The following ANGPT4 variants were observed in gnomAD, a reference collection of about 807,000 sequenced individuals.
ANGPT4 encodes the protein angiopoietin 4.
A neutral mutation model predicts 53.0 loss-of-function variants in ANGPT4; 50 were observed. That is an observed-to-expected ratio of 0.94 (90% CI 0.75 to 1.20). The LOEUF (loss-of-function observed/expected upper bound fraction) is 1.20. Ranked by LOEUF, ANGPT4 falls within the 50% of genes most tolerant of loss-of-function variation. The probability of loss-of-function intolerance (pLI) is 0.00; values close to 1 mark genes in which losing one functional copy is unlikely to be tolerated. For missense variants in ANGPT4, 648 were observed against 637.1 expected (o/e 1.02, Z -0.18); for synonymous variants, 251 against 259.7 (o/e 0.97, Z 0.32).
rs1168062575 is a variant in ANGPT4 at position 914,217 on chromosome 20, C to G, written c.309+1689G>C. ...CGCCTGCCCTCTGGGAGCTCACACA[C>G]CAAAAGAAATGTTTTTAAGAACATT... On this transcript the variant is annotated intron_variant, in intron 1 of 8. Coordinates refer to ENST00000381922, the MANE Select transcript of ANGPT4 (RefSeq NM_015985.4). This position sits in a 1 kb window ranked among gnomAD's most constrained non-coding sequence, Gnocchi z 5.0. Among the ~76,000 whole-genome samples, 1 of 151,890 alleles carries G rather than the reference C, an allele frequency of 6.6e-6. No homozygotes were observed. Among genetic ancestry groups the G allele is most frequent in the Non-Finnish European group, 1.5e-5 (1 of 67,988 alleles).
At position 915,912 on chromosome 20, in the gene ANGPT4, C is replaced by A; in HGVS notation, c.303G>T (p.Leu101=). ...EQALQNNTQW[L]KKLERAIKTI... is the part of the protein sequence containing the mutation. ...AACCTCCCATGCCCCGTACCTTCTT[C>A]AGCCACTGCGTGTTGTTCTGCAGTG... The change falls in exon 1 of 9, where the codon CTG becomes CTT. Residue 101 remains leucine, a synonymous_variant. Coordinates refer to ENST00000381922, the MANE Select transcript of ANGPT4 (RefSeq NM_015985.4). The A allele has an allele frequency of 6.4e-7, 1 of 1,568,286 alleles. No homozygotes were observed. The highest frequency in any genetic ancestry group is 2.3e-5 in the East Asian group (1 of 44,326).
At position 911,921 on chromosome 20, in the gene ANGPT4, A is replaced by G. The variant is rs572977629; in HGVS notation, c.309+3985T>C. On this transcript the variant is annotated intron_variant, in intron 1 of 8. Coordinates refer to ENST00000381922, the MANE Select transcript of ANGPT4 (RefSeq NM_015985.4). This position sits in a 1 kb window ranked among gnomAD's most constrained non-coding sequence, Gnocchi z 4.9. ...CAGAGATAGACAGGGAGATAGGCAG[A>G]GAGAGGGCTGCCATGGACCCCAGGC... Among the ~76,000 whole-genome samples, 5 of 152,240 alleles carry G rather than the reference A, an allele frequency of 3.3e-5. No homozygotes were observed. The highest frequency in any genetic ancestry group is 7.4e-5 in the Non-Finnish European group (5 of 68,012).
chr20:904,452 T>C (rs958145670), intron 1 of ANGPT4, among the ~76,000 whole-genome samples: 8 of 152,314 alleles, frequency 5.3e-5, no homozygotes, highest in African/African-American at 1.9e-4. Flanking sequence ...CTCCATTGTT[T>C]GCTCATCTAG....
intron 8 of ANGPT4, among the ~76,000 whole-genome samples, chr20:873,998 G>T (rs1671099773): frequency 6.6e-6 from 1 of 152,114 alleles, no homozygotes. Context: ...AGGGTATAGG[G>T]TGCCTCCCCC....
Position 871,160 on chromosome 20 carries a change from A to G in ANGPT4, c.*1800T>C, listed in dbSNP as rs1320945303. The G allele has an allele frequency of 1.3e-5, 2 of 152,280 alleles. No individual in the cohort carries two copies. The highest frequency in any genetic ancestry group is 2.4e-5 in the African/African-American group (1 of 41,468). The allele number at this position is 152,280 out of a possible 1,614,324, so 9.4% of individuals were successfully genotyped here. On this transcript the variant is annotated 3_prime_UTR_variant, in exon 9 of 9. Transcript: ENST00000381922. ...TCTCTGGGCAGCAATCTGCCCCTAA[A>G]GATTTCCCATCATGCCTGAAATGCC...
Position 900,265 on chromosome 20 carries a change from T to C in ANGPT4, c.310-9897A>G, listed in dbSNP as rs1371486588. On this transcript the variant is annotated intron_variant, in intron 1 of 8. Transcript: ENST00000381922. ...CCTGTAAATAACAGTGAATGGTTGC[T>C]TGTAGATACTCGACGTTTTTTCATG... is the stretch of plus-strand genomic sequence containing the variant. Among the ~76,000 whole-genome samples, 6 of 152,222 alleles carry C rather than the reference T, an allele frequency of 3.9e-5. No individual in the cohort carries two copies. The East Asian group carries it at 1.2e-3, about 29-fold the overall frequency.
chr20:881,838 G>C (rs1981421076), intron 4 of ANGPT4, among the ~76,000 whole-genome samples: 2 of 152,208 alleles, frequency 1.3e-5, no homozygotes, highest in Non-Finnish European at 2.9e-5. Context: ...GGCCTGGAGG[G>C]GATGAGACTC....
chr20:887,895 A>AAGGG (rs1981676246), intron 3 of ANGPT4, among the ~76,000 whole-genome samples: 1 of 151,612 alleles, frequency 6.6e-6, no homozygotes, highest in African/African-American at 2.4e-5. Flanking sequence ...AGGAGGAAGG[A>AAGGG]AGGAAGGAAG....
intron 2 of ANGPT4, among the ~76,000 whole-genome samples, chr20:889,003 C>T (rs1432964110): frequency 6.6e-6 from 1 of 152,232 alleles, no homozygotes; most frequent in African/African-American, 2.4e-5. Flanking sequence ...CTGGTCACTC[C>T]AGCATAGTGG....
At chr20:902,938 T>C (rs1982341510) in intron 1 of ANGPT4, among the ~76,000 whole-genome samples, 1 of 152,084 alleles carries the variant, frequency 6.6e-6, no homozygotes. Flanking sequence ...CAAATGGAGG[T>C]TCAGGCTCAG....
In ANGPT4 at chr20:914,526, C is replaced by T. The variant is rs531192; in HGVS notation, c.309+1380G>A. 0.097 allele frequency among the ~76,000 whole-genome samples: 14,744 copies of T among 151,970 alleles called. 801 individuals are homozygous for T. Among genetic ancestry groups the T allele is most frequent in the East Asian group, 0.17 (862 of 5,164 alleles). ...ATTCTTTGGTCTGCTGCATGGAGAA[C>T]AGGAGGTGGGGGCCGAGTGTTAGCA... On this transcript the variant is annotated intron_variant, in intron 1 of 8. Coordinates refer to ENST00000381922, the MANE Select transcript of ANGPT4 (RefSeq NM_015985.4). The surrounding 1 kb of genome is among the most constrained non-coding windows in gnomAD (Gnocchi z 5.0).
At chr20:875,289 A>G (rs1981121243) in intron 7 of ANGPT4, among the ~76,000 whole-genome samples, 1 of 152,068 alleles carries the variant, frequency 6.6e-6, no homozygotes, top group African/African-American at 2.4e-5. Context: ...CCCCAGCCCC[A>G]TCGCACCTCC....
At position 885,233 on chromosome 20, in the gene ANGPT4, A is replaced by G. The variant is rs759237922; in HGVS notation, c.680T>C (p.Leu227Pro). ...LSKKAKLLNT[L>P]SRQSAALTNI... The stretch of plus-strand genomic sequence containing the variant: ...GGTGAGGGCGGCGCTCTGGCGGCTC[A>G]GCGTGTTCAGCAGCTTCGCCTTCTT... The change falls in exon 4 of 9, where the codon CTG (leucine) becomes CCG (proline). Residue 227 changes from leucine (L) to proline (P), a missense_variant. Transcript: ENST00000381922. 1.9e-6 allele frequency: 3 copies of G among 1,585,762 alleles called. No homozygotes were observed. The highest frequency in any genetic ancestry group is 2.3e-5 in the South Asian group (2 of 87,658).
At position 908,091 on chromosome 20, in the gene ANGPT4, CA is replaced by C. The variant is rs1158616384; in HGVS notation, c.309+7814del. On this transcript the variant is annotated intron_variant, in intron 1 of 8. Transcript: ENST00000381922. The surrounding 1 kb of genome is among the most constrained non-coding windows in gnomAD (Gnocchi z 4.9). ...GAGGCTGATCCTGCAGATGGGGTGA[CA>C]GGGATAAGATTAGGGTCAGACAAAG... Among the ~76,000 whole-genome samples the C allele has an allele frequency of 6.6e-6, 1 of 152,086 alleles. No homozygotes were observed. The highest frequency in any genetic ancestry group is 6.5e-5 in the Admixed American group (1 of 15,268).
chr20:905,288 G>A lies in ANGPT4; in HGVS notation c.309+10618C>T, dbSNP rs544017982. On this transcript the variant is annotated intron_variant, in intron 1 of 8. Transcript: ENST00000381922. ...ACGAGAAGAGCCCCAGGAGTGCAGA[G>A]GTTTGTCTGCCCTGTTCATGAGCAC... Among the ~76,000 whole-genome samples the A allele has an allele frequency of 1.3e-3, 192 of 152,338 alleles. 1 individual carries two copies. The highest frequency in any genetic ancestry group is 4.4e-3 in the African/African-American group (184 of 41,564).
rs901153984 is a variant in ANGPT4, at chr20:872,232, C to T, written c.*728G>A. On this transcript the variant is annotated 3_prime_UTR_variant, in exon 9 of 9. Coordinates refer to ENST00000381922, the MANE Select transcript of ANGPT4 (RefSeq NM_015985.4). ...GCTCATAGGTACTTTTAGAGACAAG[C>T]CATAGTTATTCCCTGTGACACATCC... is the stretch of plus-strand genomic sequence containing the variant. The T allele has an allele frequency of 6.6e-6, 1 of 152,210 alleles. No individual in the cohort carries two copies. Among genetic ancestry groups the T allele is most frequent in the Non-Finnish European group, 1.5e-5 (1 of 68,084 alleles). The allele number at this position is 152,210 out of a possible 1,614,324, so 9.4% of individuals were successfully genotyped here.
chr20:906,142 C>T (rs904055327), intron 1 of ANGPT4, among the ~76,000 whole-genome samples: 2 of 152,184 alleles, frequency 1.3e-5, no homozygotes, highest in African/African-American at 2.4e-5. Flanking sequence ...ATTGTAGAAA[C>T]GTTAGTGTGA....
intron 1 of ANGPT4, among the ~76,000 whole-genome samples, chr20:895,140 G>A (rs1981994073): frequency 6.6e-6 from 1 of 152,172 alleles, no homozygotes; most frequent in Non-Finnish European, 1.5e-5. Context: ...GAAGGGCAGG[G>A]AATGGATCCC....
At chr20:902,725 T>G (rs1220142258) in intron 1 of ANGPT4, among the ~76,000 whole-genome samples, 1 of 152,148 alleles carries the variant, frequency 6.6e-6, no homozygotes, top group Non-Finnish European at 1.5e-5. Context: ...TTTTTTTTTC[T>G]GAGAGAGGGT....
Sources: allele counts gnomAD v4.1 joint callset (sites outside exome capture counted in the v4.1 genomes callset), GRCh38; gene constraint gnomAD v4.1.1; non-coding constraint Gnocchi (gnomAD v3.1); transcripts MANE v1.5; gene names NCBI Gene and HGNC (gene_info 2026-07-23, HGNC 2026-07-21).